Variants in TRAPPC5 observed in about 807,000 individuals in gnomAD.
TRAPPC5 encodes trafficking protein particle complex 5.
A neutral mutation model predicts 9.8 loss-of-function variants in TRAPPC5; 5 were observed. The observed-to-expected ratio is 0.51, with a 90% CI of 0.27 to 1.07. TRAPPC5 has a LOEUF of 1.07. Ranked by LOEUF, TRAPPC5 falls within the 50% of genes least tolerant of loss-of-function variation. TRAPPC5 has a pLI of 0.12. For missense variants in TRAPPC5, 243 were observed against 291.5 expected (o/e 0.83, Z 1.21); for synonymous variants, 146 against 140.7 (o/e 1.04, Z -0.26).
chr19:7,683,018 G>C lies in TRAPPC5; in HGVS notation c.*198G>C, dbSNP rs1168046499. ...GGGGGGTTGAGTGAGACCAGGAGTG[G>C]TGGGGAGAAATAAACCCGGCAAAAG... On this transcript the variant is annotated 3_prime_UTR_variant, in exon 2 of 2. Transcript: ENST00000596148. 1.6e-6 allele frequency: 1 copy of C among 607,272 alleles called. No individual in the cohort carries two copies. The highest frequency in any genetic ancestry group is 2.9e-6 in the Non-Finnish European group (1 of 349,190). 37.6% of individuals were successfully genotyped at this position (607,272 alleles called of 1,614,324 possible).
Position 7,681,770 on chromosome 19 carries a change from G to A in TRAPPC5, c.-12-472G>A, listed in dbSNP as rs2032641262. ...AGGGTCGTCTGTGCTGGAGCGCAGG[G>A]CGGGGCAGGAGCGACTGCCCATATC... On this transcript the variant is annotated intron_variant, in intron 1 of 1. Coordinates refer to ENST00000596148, the MANE Select transcript of TRAPPC5 (RefSeq NM_001042462.2). The surrounding 1 kb of genome is among the most constrained non-coding windows in gnomAD (Gnocchi z 8.7). Among the ~76,000 whole-genome samples, 1 of 152,090 alleles carries A rather than the reference G, an allele frequency of 6.6e-6. No homozygotes were observed. The highest frequency in any genetic ancestry group is 1.5e-5 in the Non-Finnish European group (1 of 68,010).
Position 7,685,574 on chromosome 19 carries a change from G to C in TRAPPC5, c.*2754G>C, listed in dbSNP as rs1035115052. The C allele has an allele frequency of 6.6e-6, 1 of 152,298 alleles. No homozygotes were observed. The highest frequency in any genetic ancestry group is 6.6e-5 in the Admixed American group (1 of 15,266). 9.4% of individuals were successfully genotyped at this position (152,298 alleles called of 1,614,324 possible). ...TTTAGGATGCTCTGTTGGACTGCCT[G>C]GTGGACCAGGGCTGAGGGCTTGGTC... On this transcript the variant is annotated 3_prime_UTR_variant, in exon 2 of 2. Coordinates refer to ENST00000596148, the MANE Select transcript of TRAPPC5 (RefSeq NM_001042462.2).
intron 1 of TRAPPC5, 57 bp downstream of exon 1, chr19:7,680,935 T>TC (rs146807197): frequency 0.04 from 6,148 of 152,212 alleles, 148 homozygotes; most frequent in African/African-American, 0.048. Flanking sequence ...CCCGGCCCCT[T>TC]CCCCGCGGGC....
In TRAPPC5 at chr19:7,682,419, G is replaced by A. The variant is rs1166764621; in HGVS notation, c.166G>A (p.Ala56Thr). The change falls in exon 2 of 2, where the codon GCG (alanine) becomes ACG (threonine). Residue 56 changes from alanine (A) to threonine (T), a missense_variant. Around this residue, in one of 2 missense-constraint regions of TRAPPC5, gnomAD observed 154 missense variants for 215.8 expected, o/e 0.71. Coordinates refer to ENST00000596148, the MANE Select transcript of TRAPPC5 (RefSeq NM_001042462.2). The surrounding 1 kb of genome is among the most constrained non-coding windows in gnomAD (Gnocchi z 8.6). Reference sequence around the variant, plus strand: ...GGCCGAGCTGCAGTCGCGCCTGGCCGCGCTGGGCCGCCAGGTGGGCGCGCG... The same window carrying A: ...GGCCGAGCTGCAGTCGCGCCTGGCCACGCTGGGCCGCCAGGTGGGCGCGCG... ...SVAELQSRLA[A>T]LGRQVGARVL... is the part of the protein sequence containing the mutation. The A allele has an allele frequency of 1.9e-6, 3 of 1,593,250 alleles. No individual in the cohort carries two copies. Among genetic ancestry groups the A allele is most frequent in the African/African-American group, 1.3e-5 (1 of 74,300 alleles).
chr19:7,682,823 C>A lies in TRAPPC5; in HGVS notation c.*3C>A, dbSNP rs761870565. 9 of 1,581,634 alleles carry A rather than the reference C, an allele frequency of 5.7e-6. No individual in the cohort carries two copies. The highest frequency in any genetic ancestry group is 6.9e-6 in the Non-Finnish European group (8 of 1,161,610). The stretch of plus-strand genomic sequence containing the variant: ...ACCGGGCCCTGGAGGGCCGCTGACC[C>A]TGCCGGAGATAAAGGATACAGAGAG... On this transcript the variant is annotated 3_prime_UTR_variant, in exon 2 of 2. Transcript: ENST00000596148. This position sits in a 1 kb window ranked among gnomAD's most constrained non-coding sequence, Gnocchi z 8.6.
In TRAPPC5 at chr19:7,682,485, C is replaced by A; in HGVS notation, c.232C>A (p.Arg78Ser). Residue 78 changes from arginine to serine, a missense_variant, in exon 2 of 2, where the codon CGT (arginine) becomes AGT (serine). Physicochemically the swap from Arg to Ser is moderately radical, Grantham distance 110. Transcript: ENST00000596148. The surrounding 1 kb of genome is among the most constrained non-coding windows in gnomAD (Gnocchi z 8.6). ...ALVAREKGAR[R>S]ETKVLGALLF... ...GGTGGCGCGCGAAAAGGGTGCCCGG[C>A]GTGAGACCAAGGTGCTAGGCGCGTT... 1 of 1,611,786 alleles carries A rather than the reference C, an allele frequency of 6.2e-7. No individual in the cohort carries two copies. The highest frequency in any genetic ancestry group is 8.5e-7 in the Non-Finnish European group (1 of 1,179,234).
chr19:7,682,319 C>A lies in TRAPPC5; in HGVS notation c.66C>A (p.Thr22=), dbSNP rs746930469. ...AGCGCGCGCTGGCGCGGCCGCGCAC[C>A]GAGGTGAGCCTGAGCGCCTTCGCAC... is the stretch of plus-strand genomic sequence containing the variant. The part of the protein sequence containing the change: ...LLERALARPR[T]EVSLSAFALL... The change falls in exon 2 of 2, where the codon ACC becomes ACA. Residue 22 remains threonine, a synonymous_variant. Coordinates refer to ENST00000596148, the MANE Select transcript of TRAPPC5 (RefSeq NM_001042462.2). The surrounding 1 kb of genome is among the most constrained non-coding windows in gnomAD (Gnocchi z 8.6). The A allele has an allele frequency of 1.3e-6, 2 of 1,519,620 alleles. No individual in the cohort carries two copies. Among genetic ancestry groups the A allele is most frequent in the South Asian group, 2.5e-5 (2 of 79,068 alleles). 94.1% of individuals were successfully genotyped at this position (1,519,620 alleles called of 1,614,324 possible).
rs982785743 is a variant in TRAPPC5 at position 7,686,354 on chromosome 19, C to T, written c.*3534C>T. ...CAGCTCTAACTTACGGTGCTCTGGG[C>T]TGCAAGGAAGGTCTTCCCCTGGACC... On this transcript the variant is annotated 3_prime_UTR_variant, in exon 2 of 2. Coordinates refer to ENST00000596148, the MANE Select transcript of TRAPPC5 (RefSeq NM_001042462.2). 7.2e-5 allele frequency: 11 copies of T among 152,246 alleles called. No individual in the cohort carries two copies. Among genetic ancestry groups the T allele is most frequent in the African/African-American group, 2.7e-4 (11 of 41,384 alleles). The allele number at this position is 152,246 out of a possible 1,614,324, so 9.4% of individuals were successfully genotyped here.
Position 7,682,795 on chromosome 19 carries a change from G to C in TRAPPC5, c.542G>C (p.Arg181Pro). ...MIKFEEAVIA[R>P]DRALEGR ...AAGTTCGAGGAGGCAGTCATCGCTC[G>C]AGACCGGGCCCTGGAGGGCCGCTGA... The change falls in exon 2 of 2, where the codon CGA becomes CCA. Residue 181 changes from arginine to proline, a missense_variant. Around this residue, in one of 2 missense-constraint regions of TRAPPC5, gnomAD observed 154 missense variants for 215.8 expected, o/e 0.71. Transcript: ENST00000596148. This position sits in a 1 kb window ranked among gnomAD's most constrained non-coding sequence, Gnocchi z 8.6. 6.2e-7 allele frequency: 1 copy of C among 1,604,674 alleles called. No homozygotes were observed. Among genetic ancestry groups the C allele is most frequent in the Non-Finnish European group, 8.5e-7 (1 of 1,174,778 alleles).
Position 7,682,348 on chromosome 19 carries a change from T to C in TRAPPC5, c.95T>C (p.Leu32Pro). The C allele has an allele frequency of 6.4e-7, 1 of 1,561,032 alleles. No individual in the cohort carries two copies. Among genetic ancestry groups the C allele is most frequent in the Non-Finnish European group, 8.7e-7 (1 of 1,154,738 alleles). Residue 32 changes from leucine to proline, a missense_variant, in exon 2 of 2, where the codon CTG becomes CCG. By Grantham distance (98) the Leu-to-Pro change is moderately conservative. Transcript: ENST00000596148. This position sits in a 1 kb window ranked among gnomAD's most constrained non-coding sequence, Gnocchi z 8.6. Reference protein sequence around the residue: ...TEVSLSAFALLFSELVQHCQS... With the variant: ...TEVSLSAFALPFSELVQHCQS... ...GTGAGCCTGAGCGCCTTCGCACTGC[T>C]GTTCTCCGAGCTGGTACAGCACTGC... is the stretch of plus-strand genomic sequence containing the variant.
Position 7,686,432 on chromosome 19 carries a change from C to A in TRAPPC5, c.*3612C>A. 1 of 152,638 alleles carries A rather than the reference C, an allele frequency of 6.6e-6. No homozygotes were observed. The allele number at this position is 152,638 out of a possible 1,614,324, so 9.5% of individuals were successfully genotyped here. ...GAGGAGGAGGAGCCAGGCACCAGCC[C>A]TTGGTGAGCTGGGCAAGCAGCATCA... On this transcript the variant is annotated 3_prime_UTR_variant, in exon 2 of 2. Transcript: ENST00000596148.
rs2032679110 is a variant in TRAPPC5, at chr19:7,683,552, A to G, written c.*732A>G. On this transcript the variant is annotated 3_prime_UTR_variant, in exon 2 of 2. Transcript: ENST00000596148. ...TCTTGCCCCATTACTCCGCTGATGT[A>G]CTGAATGCAACCACAGACAACATGT... 6.6e-6 allele frequency: 1 copy of G among 152,036 alleles called. No homozygotes were observed. The highest frequency in any genetic ancestry group is 2.1e-4 in the South Asian group (1 of 4,828). The allele number at this position is 152,036 out of a possible 1,614,324, so 9.4% of individuals were successfully genotyped here.
In TRAPPC5 at chr19:7,686,412, G is replaced by C. The variant is rs1050066839; in HGVS notation, c.*3592G>C. The C allele has an allele frequency of 2.6e-5, 4 of 152,658 alleles. No homozygotes were observed. Among genetic ancestry groups the C allele is most frequent in the African/African-American group, 9.7e-5 (4 of 41,428 alleles). 9.5% of individuals were successfully genotyped at this position (152,658 alleles called of 1,614,324 possible). On this transcript the variant is annotated 3_prime_UTR_variant, in exon 2 of 2. Transcript: ENST00000596148. The stretch of plus-strand genomic sequence containing the variant: ...TGGGTGGGTGAGAGGAAGAGGAGGA[G>C]GAGGAGCCAGGCACCAGCCCTTGGT...
chr19:7,680,839 C>T lies in TRAPPC5; in HGVS notation c.-52C>T, dbSNP rs1461325724. 6.6e-6 allele frequency: 1 copy of T among 152,262 alleles called. No homozygotes were observed. Among genetic ancestry groups the T allele is most frequent in the African/African-American group, 2.4e-5 (1 of 41,466 alleles). 9.4% of individuals were successfully genotyped at this position (152,262 alleles called of 1,614,324 possible). A position where few individuals can be genotyped will look rare whatever the true frequency, so the allele number is the denominator to read the frequency against. ...TGCGCACGCAGCGCCTTTTACGGCG[C>T]CGTAAAGCAGCTCGGCCGAGCAGAC... On this transcript the variant is annotated 5_prime_UTR_variant, in exon 1 of 2. Coordinates refer to ENST00000596148, the MANE Select transcript of TRAPPC5 (RefSeq NM_001042462.2).
At chr19:7,680,920 C>T (rs3826739) in intron 1 of TRAPPC5, 42 bp downstream of exon 1, 27,774 of 152,082 alleles carry the variant, frequency 0.18, 2,919 homozygotes, top group Admixed American at 0.3. Flanking sequence ...GGGCCTCGTC[C>T]GCTCCCCGGC....
In TRAPPC5 at chr19:7,682,356, G is replaced by C; in HGVS notation, c.103G>C (p.Glu35Gln). 1 of 1,563,680 alleles carries C rather than the reference G, an allele frequency of 6.4e-7. No individual in the cohort carries two copies. The highest frequency in any genetic ancestry group is 1.2e-5 in the South Asian group (1 of 85,624). ...GAGCGCCTTCGCACTGCTGTTCTCC[G>C]AGCTGGTACAGCACTGCCAGAGCCG... ...SLSAFALLFS[E>Q]LVQHCQSRVF... The change falls in exon 2 of 2, where the codon GAG (glutamate) becomes CAG (glutamine). Residue 35 changes from glutamate (E) to glutamine (Q), a missense_variant. Transcript: ENST00000596148. The surrounding 1 kb of genome is among the most constrained non-coding windows in gnomAD (Gnocchi z 8.6).
In TRAPPC5 at chr19:7,685,681, T is replaced by C. The variant is rs577786895; in HGVS notation, c.*2861T>C. On this transcript the variant is annotated 3_prime_UTR_variant, in exon 2 of 2. Coordinates refer to ENST00000596148, the MANE Select transcript of TRAPPC5 (RefSeq NM_001042462.2). The stretch of plus-strand genomic sequence containing the variant: ...TGGGGAGAAGGTGGCGTCTCTAGGA[T>C]GAATGAAACCATTGAGCAACCACCA... 6.6e-6 allele frequency: 1 copy of C among 152,402 alleles called. No individual in the cohort carries two copies. Among genetic ancestry groups the C allele is most frequent in the Non-Finnish European group, 1.5e-5 (1 of 68,098 alleles). The allele number at this position is 152,402 out of a possible 1,614,324, so 9.4% of individuals were successfully genotyped here. A position where few individuals can be genotyped will look rare whatever the true frequency, so the allele number is the denominator to read the frequency against.
chr19:7,682,916 C>T lies in TRAPPC5; in HGVS notation c.*96C>T. ...ATCCACTCAGTACCTTGAGCCACAG[C>T]CCTGCCCCAGGCTGGGGAGGGAGGC... On this transcript the variant is annotated 3_prime_UTR_variant, in exon 2 of 2. Coordinates refer to ENST00000596148, the MANE Select transcript of TRAPPC5 (RefSeq NM_001042462.2). The surrounding 1 kb of genome is among the most constrained non-coding windows in gnomAD (Gnocchi z 8.6). The T allele has an allele frequency of 7.3e-7, 1 of 1,364,160 alleles. No homozygotes were observed. Among genetic ancestry groups the T allele is most frequent in the Non-Finnish European group, 9.9e-7 (1 of 1,011,176 alleles). 84.5% of individuals were successfully genotyped at this position (1,364,160 alleles called of 1,614,324 possible).
Position 7,686,247 on chromosome 19 carries a change from G to A in TRAPPC5, c.*3427G>A, listed in dbSNP as rs1031129021. The A allele has an allele frequency of 6.6e-6, 1 of 152,540 alleles. No homozygotes were observed. Among genetic ancestry groups the A allele is most frequent in the Admixed American group, 6.5e-5 (1 of 15,298 alleles). 9.4% of individuals were successfully genotyped at this position (152,540 alleles called of 1,614,324 possible). On this transcript the variant is annotated 3_prime_UTR_variant, in exon 2 of 2. Coordinates refer to ENST00000596148, the MANE Select transcript of TRAPPC5 (RefSeq NM_001042462.2). ...GGGAAAACGTTTGAACAAGCTGTAG[G>A]GTTATGAGGCTGGGCCCGGGGTTGG...
Sources: allele counts gnomAD v4.1 joint callset (sites outside exome capture counted in the v4.1 genomes callset), GRCh38; gene constraint gnomAD v4.1.1; regional missense constraint gnomAD v4.1.1; non-coding constraint Gnocchi (gnomAD v3.1); transcripts MANE v1.5; gene names NCBI Gene and HGNC (gene_info 2026-07-23, HGNC 2026-07-21).